The following RNF212 variants were observed in gnomAD, a reference collection of about 807,000 sequenced individuals.
The protein encoded by RNF212 is ring finger protein 212.
In RNF212, 33 loss-of-function variants were observed where a neutral mutation model predicts 34.7. That is an observed-to-expected ratio of 0.95 (90% CI 0.72 to 1.27). The LOEUF (loss-of-function observed/expected upper bound fraction) is 1.27. Among genes scored for constraint, RNF212 ranks in the 50% most tolerant of loss-of-function variants. RNF212 has a pLI of 0.00. For synonymous variants in RNF212, 140 were observed against 136.1 expected (o/e 1.03, Z -0.20); for missense variants, 377 against 362.2 (o/e 1.04, Z -0.33).
intron 2 of RNF212, 118 bp from the exon 3 acceptor site, chr4:1,096,957 A>G (rs773466330): frequency 4.3e-5 from 33 of 775,668 alleles, no homozygotes; most frequent in Non-Finnish European, 7.2e-5. Context: ...TGGCCAGCAC[A>G]TTGTGAATGG....
At chr4:1,102,931 G>A (rs1438659307) in intron 2 of RNF212, among the ~76,000 whole-genome samples, 2 of 151,240 alleles carry the variant, frequency 1.3e-5, no homozygotes. Flanking sequence ...CACGAGGTCA[G>A]GAGATCGAGA....
chr4:1,097,899 T>A (rs1233904955), intron 2 of RNF212, among the ~76,000 whole-genome samples: 2 of 152,068 alleles, frequency 1.3e-5, no homozygotes, highest in African/African-American at 4.8e-5. Context: ...ACCCCATCTC[T>A]ATCAAAAATA....
At chr4:1,088,276 G>A (rs1052001319) in intron 4 of RNF212, among the ~76,000 whole-genome samples, 3 of 152,180 alleles carry the variant, frequency 2.0e-5, no homozygotes, top group African/African-American at 7.2e-5. Context: ...GGTCACTCTT[G>A]CTGTGCTTTA....
At chr4:1,082,724 T>C (rs2153044167) in intron 5 of RNF212, among the ~76,000 whole-genome samples, 1 of 152,320 alleles carries the variant, frequency 6.6e-6, no homozygotes, top group East Asian at 1.9e-4. Context: ...GGACGGGCAC[T>C]GGGCGTGTTT....
intron 1 of RNF212, among the ~76,000 whole-genome samples, chr4:1,112,395 A>AG (rs1291222170): frequency 6.6e-6 from 1 of 152,092 alleles, no homozygotes; most frequent in Non-Finnish European, 1.5e-5. Context: ...ACCGGCACCC[A>AG]GCTGGCTGCT....
intron 2 of RNF212, among the ~76,000 whole-genome samples, chr4:1,105,055 C>T (rs1027716953): frequency 6.6e-6 from 1 of 152,146 alleles, no homozygotes; most frequent in African/African-American, 2.4e-5. Flanking sequence ...TCAAGTGAAG[C>T]GAGGCAGAAG....
At chr4:1,079,875 G>A (rs953921724) in intron 7 of RNF212, among the ~76,000 whole-genome samples, 187 bp from the exon 8 acceptor site, 4 of 152,186 alleles carry the variant, frequency 2.6e-5, no homozygotes, top group Non-Finnish European at 5.9e-5. Flanking sequence ...AGGGCCACCC[G>A]CCGTCTGTAC....
chr4:1,062,265 A>G (rs913769800), intron 3 of RNF212, among the ~76,000 whole-genome samples: 6 of 152,256 alleles, frequency 3.9e-5, no homozygotes, highest in Non-Finnish European at 8.8e-5. Context: ...CCAGCAGCGT[A>G]TAAGAAAGAT....
At chr4:1,103,194 C>A (rs1724297549) in intron 2 of RNF212, among the ~76,000 whole-genome samples, 1 of 152,066 alleles carries the variant, frequency 6.6e-6, no homozygotes, top group Non-Finnish European at 1.5e-5. Context: ...TAAATTGACT[C>A]AAGGAGAATT....
At chr4:1,058,773 G>A (rs936496629) in intron 3 of RNF212, among the ~76,000 whole-genome samples, 7 of 152,184 alleles carry the variant, frequency 4.6e-5, no homozygotes, top group Non-Finnish European at 8.8e-5. Context: ...AGGGGCCCTC[G>A]GCCCGTGGGC....
chr4:1,088,360 G>A (rs1721667525), intron 4 of RNF212, among the ~76,000 whole-genome samples: 1 of 152,118 alleles, frequency 6.6e-6, no homozygotes, highest in Non-Finnish European at 1.5e-5. Flanking sequence ...GATGATTTAG[G>A]GCATCTGGCA....
chr4:1,080,231 G>A (rs1720108236), intron 7 of RNF212, among the ~76,000 whole-genome samples: 1 of 152,174 alleles, frequency 6.6e-6, no homozygotes, highest in African/African-American at 2.4e-5. Context: ...CGTGATCTCT[G>A]CGGAAAGAGG....
downstream of RNF212, among the ~76,000 whole-genome samples, chr4:1,068,860 G>C (rs1308387009): frequency 6.6e-6 from 1 of 152,208 alleles, no homozygotes; most frequent in Non-Finnish European, 1.5e-5. Context: ...TTTTGAACAT[G>C]ACCATGTCTG....
intron 4 of RNF212, chr4:1,057,121 A>T (rs9992925): frequency 0.78 from 267,327 of 341,822 alleles, 105,745 homozygotes; most frequent in African/African-American, 0.94. Context: ...CATCTCTGAG[A>T]ACCTCGGAGC....
downstream of RNF212, among the ~76,000 whole-genome samples, chr4:1,069,126 G>A (rs1267096423): frequency 6.6e-6 from 1 of 151,844 alleles, no homozygotes; most frequent in Non-Finnish European, 1.5e-5. Context: ...CACAAGAATC[G>A]CTTGAACCTG....
chr4:1,102,372 T>G (rs1724119343), intron 2 of RNF212, among the ~76,000 whole-genome samples: 1 of 152,170 alleles, frequency 6.6e-6, no homozygotes, highest in Non-Finnish European at 1.5e-5. Flanking sequence ...ACAGGAAACG[T>G]CAGCCCTCCA....
intron 8 of RNF212, among the ~76,000 whole-genome samples, chr4:1,074,853 A>T (rs1459149936): frequency 3.3e-5 from 5 of 152,152 alleles, no homozygotes; most frequent in Non-Finnish European, 7.3e-5. Context: ...CCTCATCAGG[A>T]CAGGCTCCAG....
chr4:1,063,828 C>T (rs1036868934), intron 3 of RNF212, among the ~76,000 whole-genome samples: 1 of 149,686 alleles, frequency 6.7e-6, no homozygotes, highest in Non-Finnish European at 1.5e-5. Flanking sequence ...GAGCCATGGT[C>T]AAGACACTGC....
chr4:1,079,253 AGGACCAACATG>A (rs1200041816), intron 8 of RNF212, among the ~76,000 whole-genome samples: 5 of 152,098 alleles, frequency 3.3e-5, no homozygotes, highest in African/African-American at 4.8e-5. Context: ...GGGTCAACAC[AGGACCAACATG>A]GGACCAACAC....
Sources: allele counts gnomAD v4.1 joint callset (sites outside exome capture counted in the v4.1 genomes callset), GRCh38; gene constraint gnomAD v4.1.1; transcripts MANE v1.5; gene names NCBI Gene and HGNC (gene_info 2026-07-23, HGNC 2026-07-21).